Variants in MAML3 observed in about 807,000 individuals in gnomAD.
The protein encoded by MAML3 is mastermind like transcriptional coactivator 3.
Under a neutral mutation model 101.9 loss-of-function variants are expected in MAML3, and 27 were observed. The observed-to-expected ratio is 0.27, with a 90% CI of 0.20 to 0.37. The LOEUF (loss-of-function observed/expected upper bound fraction) is 0.37. MAML3 is among the 10% of genes least tolerant of loss of function. The probability of loss-of-function intolerance (pLI) is 1.00; values close to 1 mark genes in which losing one functional copy is unlikely to be tolerated. For missense variants in MAML3, 1,316 were observed against 1,444.9 expected (o/e 0.91, Z 1.45); for synonymous variants, 501 against 555.9 (o/e 0.90, Z 1.39).
intron 1 of MAML3, among the ~76,000 whole-genome samples, chr4:140,049,063 G>A (rs1179890645): frequency 6.6e-6 from 1 of 152,172 alleles, no homozygotes. Context: ...CAGAGTTTGA[G>A]CTTTGTCAAC....
intron 2 of MAML3, among the ~76,000 whole-genome samples, chr4:139,801,633 G>GGGGTGTGTGTGTGT (rs1553957606): frequency 3.4e-5 from 5 of 146,394 alleles, no homozygotes; most frequent in African/African-American, 1.3e-4. Flanking sequence ...GCAGGAACAG[G>GGGGTGTGTGTGTGT]GTGTGTGTGG....
rs1232812579 is a variant in MAML3 at position 139,735,560 on chromosome 4, G to A, written c.2080-4893C>T. ...CCCCAGCTGCACAAAGCCGGCCCGGGGAGGGGGCGATAAGGAGCGAGCCTC... is the reference window on the plus strand; with the variant it reads ...CCCCAGCTGCACAAAGCCGGCCCGGAGAGGGGGCGATAAGGAGCGAGCCTC... On this transcript the variant is annotated intron_variant, in intron 2 of 4. Transcript: ENST00000509479. The surrounding 1 kb of genome is among the most constrained non-coding windows in gnomAD (Gnocchi z 5.8). Among the ~76,000 whole-genome samples the A allele has an allele frequency of 6.6e-6, 1 of 152,166 alleles. No individual in the cohort carries two copies. The highest frequency in any genetic ancestry group is 1.5e-5 in the Non-Finnish European group (1 of 68,024).
intron 4 of MAML3, 131 bp downstream of exon 4, chr4:139,725,620 C>T (rs1204748692): frequency 1.1e-6 from 1 of 891,532 alleles, no homozygotes; most frequent in Non-Finnish European, 1.8e-6. Flanking sequence ...TACTCTTAAC[C>T]TACCAGTAGT....
At chr4:139,938,107 C>A (rs923647531) in intron 1 of MAML3, among the ~76,000 whole-genome samples, 3 of 152,158 alleles carry the variant, frequency 2.0e-5, no homozygotes, top group Non-Finnish European at 4.4e-5. Flanking sequence ...GTCTGGGCAC[C>A]AAGGGCTATG....
chr4:140,022,478 G>A (rs1052758321), intron 1 of MAML3, among the ~76,000 whole-genome samples: 14 of 152,262 alleles, frequency 9.2e-5, no homozygotes, highest in African/African-American at 2.9e-4. Context: ...TGGATAATAC[G>A]TCCCAACTTT....
intron 2 of MAML3, among the ~76,000 whole-genome samples, chr4:139,758,768 C>T (rs569130210): frequency 6.6e-6 from 1 of 152,326 alleles, no homozygotes; most frequent in Admixed American, 6.5e-5. Context: ...CCAAATTCCC[C>T]CATACTAGTC....
At chr4:139,955,088 G>C (rs1733894492) in intron 1 of MAML3, among the ~76,000 whole-genome samples, 1 of 152,020 alleles carries the variant, frequency 6.6e-6, no homozygotes, top group South Asian at 2.1e-4. Context: ...CTTTATCTCT[G>C]AATATTCTAA....
chr4:139,890,386 G>C lies in MAML3; in HGVS notation c.1050C>G (p.Leu350=), dbSNP rs1732450279. The C allele has an allele frequency of 6.2e-7, 1 of 1,603,658 alleles. No homozygotes were observed. The highest frequency in any genetic ancestry group is 1.3e-5 in the African/African-American group (1 of 74,732). ...TCTTCACGCTCGCACTCTCCTGGGA[G>C]AGAGGGGTCTCAGTTGCTGGCTGCG... ...EFSQPATETP[L]SQESASVKSD... is the part of the protein sequence containing the mutation. Residue 350 remains leucine, a synonymous_variant, in exon 2 of 5, where the codon CTC becomes CTG. Coordinates refer to ENST00000509479, the MANE Select transcript of MAML3 (RefSeq NM_018717.5). The surrounding 1 kb of genome is among the most constrained non-coding windows in gnomAD (Gnocchi z 4.1).
chr4:139,789,565 G>C (rs1335239914), intron 2 of MAML3, among the ~76,000 whole-genome samples: 4 of 152,314 alleles, frequency 2.6e-5, no homozygotes, highest in Admixed American at 2.0e-4. Flanking sequence ...GCATGGCAGG[G>C]GGAAGGCCTG....
intron 2 of MAML3, among the ~76,000 whole-genome samples, chr4:139,856,573 G>A (rs1731667996): frequency 1.3e-5 from 2 of 152,196 alleles, no homozygotes; most frequent in Admixed American, 6.5e-5. Flanking sequence ...GTTGTACTCA[G>A]GTAGTTAAAG....
At chr4:139,789,211 T>C (rs538183077) in intron 2 of MAML3, among the ~76,000 whole-genome samples, 29 of 152,314 alleles carry the variant, frequency 1.9e-4, no homozygotes, top group Non-Finnish European at 1.6e-4. Flanking sequence ...GGTTTTTCCC[T>C]TAAAGGAGAT....
At chr4:140,052,791 T>A (rs922105001) in intron 1 of MAML3, among the ~76,000 whole-genome samples, 9 of 152,090 alleles carry the variant, frequency 5.9e-5, no homozygotes, top group African/African-American at 2.2e-4. Context: ...CATCTCGCCC[T>A]CCCAAAGTCT....
chr4:140,125,467 G>A (rs1041151541), intron 1 of MAML3, among the ~76,000 whole-genome samples: 6 of 152,146 alleles, frequency 3.9e-5, no homozygotes, highest in African/African-American at 7.2e-5. Flanking sequence ...AAATAAAGAC[G>A]TTTAAAAATG....
intron 1 of MAML3, among the ~76,000 whole-genome samples, chr4:139,903,393 T>G (rs998573392): frequency 3.3e-5 from 5 of 152,212 alleles, no homozygotes; most frequent in African/African-American, 1.2e-4. Flanking sequence ...AACTACAAAA[T>G]GCTCCTTTCT....
intron 1 of MAML3, among the ~76,000 whole-genome samples, chr4:140,094,306 A>C (rs1324583036): frequency 6.6e-6 from 1 of 152,192 alleles, no homozygotes; most frequent in Non-Finnish European, 1.5e-5. Context: ...TGCAAAGAGG[A>C]GCAGGCCTAG....
chr4:139,943,642 G>A (rs766338715), intron 1 of MAML3, among the ~76,000 whole-genome samples: 1 of 152,154 alleles, frequency 6.6e-6, no homozygotes, highest in South Asian at 2.1e-4. Context: ...AGGATGAAGA[G>A]TTTGCTTCTT....
chr4:139,925,944 G>A (rs1733219062), intron 1 of MAML3, among the ~76,000 whole-genome samples: 1 of 152,136 alleles, frequency 6.6e-6, no homozygotes, highest in Admixed American at 6.5e-5. Context: ...GAGGAGGACG[G>A]AGAAATGCCA....
intron 1 of MAML3, among the ~76,000 whole-genome samples, chr4:140,144,808 C>T (rs1729029852): frequency 6.6e-6 from 1 of 152,206 alleles, no homozygotes; most frequent in African/African-American, 2.4e-5. Flanking sequence ...CACCTGCTCT[C>T]ACATGTCTCT....
intron 2 of MAML3, among the ~76,000 whole-genome samples, chr4:139,813,015 G>A (rs1730831720): frequency 6.8e-6 from 1 of 147,112 alleles, no homozygotes; most frequent in African/African-American, 2.5e-5. Flanking sequence ...TTAAGAATAG[G>A]ATGGCATAAA....
Sources: allele counts gnomAD v4.1 joint callset (sites outside exome capture counted in the v4.1 genomes callset), GRCh38; gene constraint gnomAD v4.1.1; non-coding constraint Gnocchi (gnomAD v3.1); transcripts MANE v1.5; gene names NCBI Gene and HGNC (gene_info 2026-07-23, HGNC 2026-07-21).